DLG3: variants seen among roughly 807,000 people sequenced by gnomAD.
DLG3 encodes disks large homolog 3.
In DLG3, 1 loss-of-function variant was observed where a neutral mutation model predicts 64.1. That is an observed-to-expected ratio of 0.02 (90% CI 0.01 to 0.07). DLG3 has a LOEUF of 0.07. DLG3 is among the 10% of genes least tolerant of loss of function. The pLI is 1.00. For synonymous variants in DLG3, 245 were observed against 259.8 expected, an observed-to-expected ratio of 0.94 and a Z score of 0.55; for missense variants, 429 against 669.5, an observed-to-expected ratio of 0.64 and a Z score of 3.96.
At chrX:70,500,100 G>T in intron 16 of DLG3, 51 bp downstream of exon 16, 5 of 1,095,051 alleles carry the variant, frequency 4.6e-6, no homozygotes, top group Non-Finnish European at 6.3e-6. Context: ...TTATGCCAAG[G>T]TTCCACTTGG....
intron 1 of DLG3, among the ~76,000 whole-genome samples, chrX:70,447,131 T>C (rs1728312272): frequency 9.0e-6 from 1 of 110,963 alleles, no homozygotes; most frequent in African/African-American, 3.3e-5. Context: ...GCTGGGCCAG[T>C]TGGCCAAGGT....
chrX:70,476,657 C>T (rs1365935050), intron 9 of DLG3, among the ~76,000 whole-genome samples: 1 of 112,365 alleles, frequency 8.9e-6, no homozygotes, highest in Admixed American at 9.4e-5. Flanking sequence ...CAACAATTAA[C>T]CTTGGGAACA....
At chrX:70,455,935 A>C (rs1416817136) in intron 9 of DLG3, 3 of 110,784 alleles carry the variant, frequency 2.7e-5, no homozygotes, top group African/African-American at 9.9e-5. Context: ...AAGGGATGGA[A>C]AGCGCCTACC....
chrX:70,445,682 T>C, intron 1 of DLG3, 124 bp downstream of exon 1: 1 of 642,862 alleles, frequency 1.6e-6, no homozygotes, highest in Non-Finnish European at 2.4e-6. Context: ...AGCCCTAGCA[T>C]TGCAGCTGGG....
intron 10 of DLG3, among the ~76,000 whole-genome samples, chrX:70,481,505 C>T (rs1313131745): frequency 2.7e-5 from 3 of 112,204 alleles, no homozygotes; most frequent in East Asian, 5.6e-4. Flanking sequence ...CAGTGTTTCC[C>T]CAAAAGATAG....
At chrX:70,485,697 C>T (rs2087242712) in intron 10 of DLG3, among the ~76,000 whole-genome samples, 2 of 112,086 alleles carry the variant, frequency 1.8e-5, no homozygotes, top group South Asian at 3.8e-4. Context: ...TAAGACATCA[C>T]GGTGGCTGTG....
intron 15 of DLG3, 151 bp from the exon 16 acceptor site, chrX:70,499,726 G>A (rs1239676885): frequency 1.8e-6 from 1 of 546,588 alleles, no homozygotes; most frequent in Non-Finnish European, 3.2e-6. Context: ...CAGACAAACC[G>A]CTTCCCAACT....
intron 9 of DLG3, among the ~76,000 whole-genome samples, chrX:70,465,984 G>T (rs929560036): frequency 1.8e-5 from 2 of 111,034 alleles, no homozygotes; most frequent in African/African-American, 6.6e-5. Flanking sequence ...GTTCCGAAAA[G>T]ATTTTTTTAA....
rs1014018448 is a variant in DLG3, at chrX:70,468,516, T to A, written c.1406-10634T>A. Among the ~76,000 whole-genome samples the A allele has an allele frequency of 3.6e-5, 4 of 111,633 alleles. No individual in the cohort carries two copies. In the South Asian group the frequency reaches 1.5e-3, roughly 42 times the overall value. On this transcript the variant is annotated intron_variant, in intron 9 of 18. Coordinates refer to ENST00000374360, the MANE Select transcript of DLG3 (RefSeq NM_021120.4). ...TTTGTTTTCTGTTTTCTTCTCAGTA[T>A]CCTTCAGGATGGTATCCAGAACCCT...
At chrX:70,469,937 G>A (rs2147818827) in intron 9 of DLG3, among the ~76,000 whole-genome samples, 1 of 111,829 alleles carries the variant, frequency 8.9e-6, no homozygotes, top group African/African-American at 3.2e-5. Context: ...GGGCAGCTCA[G>A]CAATGGCAAA....
chrX:70,467,690 TGTGTTATAG>T (rs2086906677), intron 9 of DLG3, among the ~76,000 whole-genome samples: 2 of 112,459 alleles, frequency 1.8e-5, no homozygotes, highest in African/African-American at 3.2e-5. Flanking sequence ...TTTTAGTTAC[TGTGTTATAG>T]TATCTCTGTT....
At chrX:70,498,638 G>T in intron 14 of DLG3, 68 bp downstream of exon 14, 2 of 1,032,366 alleles carry the variant, frequency 1.9e-6, no homozygotes, top group Non-Finnish European at 2.7e-6. Context: ...ACAGTGGGTG[G>T]CTGTGGCAGC....
At chrX:70,492,917 C>T (rs902600998) in intron 12 of DLG3, among the ~76,000 whole-genome samples, 3 of 111,986 alleles carry the variant, frequency 2.7e-5, no homozygotes, top group Non-Finnish European at 5.6e-5. Flanking sequence ...GTCAGAGCAT[C>T]CGGCCAAGAA....
intron 10 of DLG3, among the ~76,000 whole-genome samples, chrX:70,490,759 G>A (rs1334815636): frequency 8.9e-6 from 1 of 112,039 alleles, no homozygotes; most frequent in Non-Finnish European, 1.9e-5. Flanking sequence ...TGGGCTGTGT[G>A]TGCAAAGGTG....
At chrX:70,466,180 AT>A (rs2086880836) in intron 9 of DLG3, among the ~76,000 whole-genome samples, 1 of 107,910 alleles carries the variant, frequency 9.3e-6, no homozygotes, top group Admixed American at 1.0e-4. Flanking sequence ...TTTAATTTGT[AT>A]TTTAATTTGT....
intron 9 of DLG3, among the ~76,000 whole-genome samples, chrX:70,477,965 C>A (rs1010712346): frequency 7.2e-5 from 8 of 111,516 alleles, no homozygotes; most frequent in Non-Finnish European, 1.5e-4. Context: ...ATGCTTCTTG[C>A]CAGCCCTCTA....
At chrX:70,471,677 ATTCTTTGC>A (rs1194022900) in intron 9 of DLG3, among the ~76,000 whole-genome samples, 1 of 111,322 alleles carries the variant, frequency 9.0e-6, no homozygotes, top group East Asian at 2.8e-4. Context: ...AAAAACTCAG[ATTCTTTGC>A]CTTTGATCCT....
chrX:70,455,307 C>G (rs903813656), intron 9 of DLG3: 4 of 754,532 alleles, frequency 5.3e-6, no homozygotes, highest in Non-Finnish European at 6.3e-6. Flanking sequence ...GCAGTCCCCC[C>G]TAACCTCTCT....
chrX:70,501,260 T>A (rs887754987), intron 18 of DLG3, among the ~76,000 whole-genome samples: 2 of 111,115 alleles, frequency 1.8e-5, no homozygotes, highest in African/African-American at 6.6e-5. Context: ...GATTGTAGGC[T>A]CCCTGTATTA....
Sources: allele counts gnomAD v4.1 joint callset (sites outside exome capture counted in the v4.1 genomes callset), GRCh38; gene constraint gnomAD v4.1.1; transcripts MANE v1.5; gene names NCBI Gene and HGNC (gene_info 2026-07-23, HGNC 2026-07-21).